ATP5MJ: variants seen among roughly 807,000 people sequenced by gnomAD.
ATP5MJ encodes the protein ATP synthase membrane subunit j.
A neutral mutation model predicts 8.3 loss-of-function variants in ATP5MJ; 4 were observed. That is an observed-to-expected ratio of 0.48 (90% CI 0.24 to 1.11). The LOEUF (loss-of-function observed/expected upper bound fraction) is 1.11, where lower values mean the gene tolerates loss of function less well. ATP5MJ is among the 50% of genes least tolerant of loss of function. The pLI is 0.18. For missense variants in ATP5MJ, 66 were observed against 71.8 expected, an observed-to-expected ratio of 0.92 and a Z score of 0.29; for synonymous variants, 23 against 21.3, an observed-to-expected ratio of 1.08 and a Z score of -0.23.
Position 103,912,453 on chromosome 14 carries a change from G to T in ATP5MJ, c.*213C>A. On this transcript the variant is annotated 3_prime_UTR_variant, in exon 4 of 4. Transcript: ENST00000286953. ...CGCTGCATGACAAATTATCTACTCA[G>T]AGTATGCCTGACACGCCGGAGGGGC... 1 of 590,112 alleles carries T rather than the reference G, an allele frequency of 1.7e-6. No individual in the cohort carries two copies. 36.6% of individuals were successfully genotyped at this position (590,112 alleles called of 1,614,324 possible). A position where few individuals can be genotyped will look rare whatever the true frequency, so the allele number is the denominator to read the frequency against.
intron 1 of ATP5MJ, among the ~76,000 whole-genome samples, chr14:103,918,595 T>C (rs2087644708): frequency 1.3e-5 from 2 of 151,850 alleles, no homozygotes; most frequent in South Asian, 4.1e-4. Context: ...CTCCTGACCT[T>C]GTGTTCTGCC....
At chr14:103,918,373 C>CT (rs2087642386) in intron 1 of ATP5MJ, among the ~76,000 whole-genome samples, 1 of 150,482 alleles carries the variant, frequency 6.6e-6, no homozygotes, top group Non-Finnish European at 1.5e-5. Flanking sequence ...TTTTTTTTCT[C>CT]TTTTTTGAGA....
At chr14:103,916,769 G>C (rs184572112) in intron 1 of ATP5MJ, among the ~76,000 whole-genome samples, 1 of 152,174 alleles carries the variant, frequency 6.6e-6, no homozygotes, top group East Asian at 1.9e-4. Context: ...AGAACTGCGC[G>C]TTGGCTGCGG....
chr14:103,915,095 C>T lies in ATP5MJ; in HGVS notation c.95G>A (p.Gly32Asp), dbSNP rs2087614603. ...AGCCCGGATTTTATAAACGATGAAG[C>T]CCATCAGCCCCATTCCTATCCAAAT... ...QEIWIGMGLM[G>D]FIVYKIRAAD... The change falls in exon 2 of 4, where the codon GGC becomes GAC. Residue 32 changes from glycine (G) to aspartate (D), a missense_variant. By Grantham distance (94) the Gly-to-Asp change is moderately conservative (BLOSUM62 -1). Transcript: ENST00000286953. The T allele has an allele frequency of 1.2e-6, 2 of 1,613,918 alleles. No homozygotes were observed. Among genetic ancestry groups the T allele is most frequent in the Middle Eastern group, 1.6e-4 (1 of 6,084 alleles).
intron 1 of ATP5MJ, among the ~76,000 whole-genome samples, chr14:103,915,626 G>A (rs2152107510): frequency 6.6e-6 from 1 of 151,680 alleles, no homozygotes; most frequent in South Asian, 2.1e-4. Flanking sequence ...GAGATTATAG[G>A]TGTGAGCCAC....
At chr14:103,914,699 C>T (rs2087609078) in intron 2 of ATP5MJ, 1 of 558,306 alleles carries the variant, frequency 1.8e-6, no homozygotes, top group African/African-American at 1.9e-5. Context: ...TAGTGACGGG[C>T]ACCTGTGGTC....
At chr14:103,921,114 G>A in intron 1 of ATP5MJ, 1 of 1,342,060 alleles carries the variant, frequency 7.5e-7, no homozygotes, top group Non-Finnish European at 1.0e-6. Flanking sequence ...GGGACTGGAT[G>A]TGGAGTCAGA....
chr14:103,918,359 G>T (rs2087642142), intron 1 of ATP5MJ, among the ~76,000 whole-genome samples: 2 of 147,932 alleles, frequency 1.4e-5, no homozygotes, highest in African/African-American at 2.5e-5. Context: ...TGTTTCAGAG[G>T]TTTTTTTTTT....
intron 1 of ATP5MJ, among the ~76,000 whole-genome samples, chr14:103,919,857 T>G (rs563831165): frequency 4.9e-4 from 75 of 151,850 alleles, no homozygotes; most frequent in African/African-American, 1.7e-3. Flanking sequence ...AGACAGAGTT[T>G]CAGTTGGTCA....
intron 1 of ATP5MJ, among the ~76,000 whole-genome samples, chr14:103,915,648 A>ATTT (rs542646013): frequency 0.079 from 10,466 of 132,756 alleles, 1,413 homozygotes; most frequent in African/African-American, 0.28. Flanking sequence ...GTGCCTGGCC[A>ATTT]TTTTTTTTTT....
intron 1 of ATP5MJ, chr14:103,917,932 C>G (rs1325770352): frequency 3.3e-5 from 5 of 152,254 alleles, no homozygotes; most frequent in Non-Finnish European, 4.4e-5. Flanking sequence ...CCTCCAACAC[C>G]TGCTTTCCTG....
chr14:103,913,712 C>G, intron 3 of ATP5MJ: 1 of 573,206 alleles, frequency 1.7e-6, no homozygotes, highest in Middle Eastern at 4.0e-4. Flanking sequence ...ATATCGACTA[C>G]CTCTAATTAA....
At chr14:103,917,931 C>T (rs146800566) in intron 1 of ATP5MJ, 2 of 152,366 alleles carry the variant, frequency 1.3e-5, no homozygotes, top group Admixed American at 6.5e-5. Context: ...ACCTCCAACA[C>T]CTGCTTTCCT....
At chr14:103,921,050 G>T in intron 1 of ATP5MJ, 2 of 1,551,120 alleles carry the variant, frequency 1.3e-6, no homozygotes. Context: ...GTCATGTACA[G>T]CATAACGTGG....
chr14:103,913,218 G>A, intron 3 of ATP5MJ: 1 of 154,296 alleles, frequency 6.5e-6, no homozygotes, highest in Non-Finnish European at 1.4e-5. Context: ...TACTTGGGAG[G>A]CTAAGGCAGG....
chr14:103,914,638 A>G (rs769423976), intron 2 of ATP5MJ: 2 of 312,564 alleles, frequency 6.4e-6, no homozygotes, highest in Non-Finnish European at 1.2e-5. Flanking sequence ...CCATCTCTAC[A>G]AAAAAAAAAA....
intron 3 of ATP5MJ, 39 bp from the exon 4 acceptor site, chr14:103,912,733 G>C: frequency 6.3e-7 from 1 of 1,599,904 alleles, no homozygotes. Context: ...GATTTAAGAA[G>C]GAAGGAACAA....
intron 1 of ATP5MJ, chr14:103,920,970 G>C (rs1311134320): frequency 6.4e-7 from 1 of 1,551,498 alleles, no homozygotes; most frequent in Non-Finnish European, 8.7e-7. Flanking sequence ...TGTCTGACCC[G>C]CGAGTTCCAT....
At position 103,915,132 on chromosome 14, in the gene ATP5MJ, C is replaced by G; in HGVS notation, c.58G>C (p.Val20Leu). 6.2e-7 allele frequency: 1 copy of G among 1,614,028 alleles called. No individual in the cohort carries two copies. Among genetic ancestry groups the G allele is most frequent in the Non-Finnish European group, 8.5e-7 (1 of 1,179,958 alleles). ...WIPMKPYYTK[V>L]YQEIWIGMGL... ...ATTCCTATCCAAATCTCCTGGTAAACTTTGGTGTAGTAGGGCTTCATGGGG... is the reference window on the plus strand; with the variant it reads ...ATTCCTATCCAAATCTCCTGGTAAAGTTTGGTGTAGTAGGGCTTCATGGGG... The change falls in exon 2 of 4, where the codon GTT (valine) becomes CTT (leucine). Residue 20 changes from valine to leucine, a missense_variant. By Grantham distance (32) the Val-to-Leu change is conservative. Coordinates refer to ENST00000286953, the MANE Select transcript of ATP5MJ (RefSeq NM_004894.3).
Sources: allele counts gnomAD v4.1 joint callset (sites outside exome capture counted in the v4.1 genomes callset), GRCh38; gene constraint gnomAD v4.1.1; transcripts MANE v1.5; gene names NCBI Gene and HGNC (gene_info 2026-07-23, HGNC 2026-07-21).